BNC2: variants seen among roughly 807,000 people sequenced by gnomAD.
The protein encoded by BNC2 is zinc finger protein basonuclin-2.
In BNC2, 20 loss-of-function variants were observed where a neutral mutation model predicts 76.3. The observed-to-expected ratio is 0.26, with a 90% CI of 0.18 to 0.38. The LOEUF (loss-of-function observed/expected upper bound fraction) is 0.38, where lower values mean the gene tolerates loss of function less well. BNC2 is among the 10% of genes least tolerant of loss of function. The probability of loss-of-function intolerance (pLI) is 1.00; values close to 1 mark genes in which losing one functional copy is unlikely to be tolerated. For missense variants in BNC2, 1,382 were observed against 1,399.8 expected (o/e 0.99, Z 0.20); for synonymous variants, 582 against 514.8 (o/e 1.13, Z -1.77).
chr9:16,662,746 A>G (rs1822146095), intron 3 of BNC2, among the ~76,000 whole-genome samples: 3 of 152,342 alleles, frequency 2.0e-5, no homozygotes, highest in Admixed American at 6.5e-5. Flanking sequence ...AAAATAAAAT[A>G]AAACAAGAGA....
At chr9:16,615,860 G>A (rs968711188) in intron 3 of BNC2, among the ~76,000 whole-genome samples, 1 of 152,016 alleles carries the variant, frequency 6.6e-6, no homozygotes. Context: ...CATGACAATT[G>A]AGCATGATTG....
At chr9:16,610,985 T>A (rs1820530018) in intron 3 of BNC2, among the ~76,000 whole-genome samples, 2 of 152,180 alleles carry the variant, frequency 1.3e-5, no homozygotes, top group African/African-American at 4.8e-5. Flanking sequence ...GAAAGCTTGC[T>A]TGGTTTTAGC....
chr9:16,844,960 T>C (rs891456447), intron 1 of BNC2, among the ~76,000 whole-genome samples: 4 of 152,122 alleles, frequency 2.6e-5, no homozygotes, highest in African/African-American at 9.7e-5. Flanking sequence ...AGTTGAGTCA[T>C]TTGTGACAAA....
At chr9:16,456,530 C>CA (rs35557788) in intron 5 of BNC2, among the ~76,000 whole-genome samples, 2,043 of 107,108 alleles carry the variant, frequency 0.019, 20 homozygotes, top group African/African-American at 0.036. Context: ...GACTCCGTCT[C>CA]AAAAAAAAAA....
At chr9:16,448,716 T>C (rs1027639266) in intron 5 of BNC2, among the ~76,000 whole-genome samples, 3 of 152,152 alleles carry the variant, frequency 2.0e-5, no homozygotes, top group African/African-American at 4.8e-5. Context: ...TTAGGAGATT[T>C]AACTTTGTTC....
chr9:16,747,675 G>T (rs1264350559), intron 1 of BNC2, among the ~76,000 whole-genome samples: 1 of 152,142 alleles, frequency 6.6e-6, no homozygotes, highest in Non-Finnish European at 1.5e-5. Context: ...TGCCTCTCCA[G>T]GTTTCTACCA....
chr9:16,791,037 G>C (rs1305670611), intron 1 of BNC2, among the ~76,000 whole-genome samples: 1 of 151,980 alleles, frequency 6.6e-6, no homozygotes, highest in Non-Finnish European at 1.5e-5. Flanking sequence ...GGAAGTGCTA[G>C]TGTATGGGAT....
chr9:16,858,255 T>G (rs1420693356), intron 1 of BNC2, among the ~76,000 whole-genome samples: 1 of 152,224 alleles, frequency 6.6e-6, no homozygotes, highest in African/African-American at 2.4e-5. Context: ...CTTCAGGGCA[T>G]GAAGTGTGTC....
chr9:16,792,021 T>C (rs1817524453), intron 1 of BNC2, among the ~76,000 whole-genome samples: 1 of 150,098 alleles, frequency 6.7e-6, no homozygotes, highest in Non-Finnish European at 1.5e-5. Flanking sequence ...GGGATCCCTT[T>C]AGCCCAGGAG....
intron 3 of BNC2, among the ~76,000 whole-genome samples, chr9:16,672,857 C>T (rs1362780208): frequency 6.6e-6 from 1 of 152,184 alleles, no homozygotes; most frequent in Non-Finnish European, 1.5e-5. Flanking sequence ...AAATCTACAT[C>T]TTTAACTTTC....
intron 1 of BNC2, among the ~76,000 whole-genome samples, chr9:16,864,161 G>C (rs797016296): frequency 4.6e-5 from 7 of 152,082 alleles, no homozygotes; most frequent in African/African-American, 1.7e-4. Flanking sequence ...TATTTCTAAA[G>C]AACCAGGCTA....
At chr9:16,778,184 A>G (rs1056433007) in intron 1 of BNC2, among the ~76,000 whole-genome samples, 18 of 151,994 alleles carry the variant, frequency 1.2e-4, no homozygotes, top group Non-Finnish European at 2.4e-4. Context: ...GTAAAGATAC[A>G]TACACACAAA....
intron 1 of BNC2, among the ~76,000 whole-genome samples, chr9:16,854,835 A>C (rs1819213823): frequency 6.6e-6 from 1 of 151,922 alleles, no homozygotes; most frequent in Non-Finnish European, 1.5e-5. Flanking sequence ...CAAGAGGGGT[A>C]AACACTGTCA....
At chr9:16,439,787 T>C (rs1247286739) in intron 5 of BNC2, among the ~76,000 whole-genome samples, 2 of 152,228 alleles carry the variant, frequency 1.3e-5, no homozygotes, top group Non-Finnish European at 2.9e-5. Flanking sequence ...ATCCTACCAT[T>C]TTACATAAAG....
chr9:16,822,694 T>G (rs1586912230), intron 1 of BNC2, among the ~76,000 whole-genome samples: 1 of 152,196 alleles, frequency 6.6e-6, no homozygotes, highest in Non-Finnish European at 1.5e-5. Context: ...TCACATCAGA[T>G]TTTTTTAAAA....
intron 1 of BNC2, among the ~76,000 whole-genome samples, chr9:16,777,988 C>T (rs1235814114): frequency 6.6e-6 from 1 of 152,130 alleles, no homozygotes; most frequent in Non-Finnish European, 1.5e-5. Context: ...ACTTCTACTT[C>T]CAAAGCCACA....
intron 5 of BNC2, among the ~76,000 whole-genome samples, chr9:16,468,847 G>A (rs1821753657): frequency 6.6e-6 from 1 of 152,236 alleles, no homozygotes; most frequent in African/African-American, 2.4e-5. Flanking sequence ...TGACACTGAG[G>A]TGCATACTCA....
chr9:16,792,721 C>G (rs1256230416), intron 1 of BNC2, among the ~76,000 whole-genome samples: 2 of 152,084 alleles, frequency 1.3e-5, no homozygotes, highest in Non-Finnish European at 2.9e-5. Context: ...TTATCATAAG[C>G]GTATAAAAAA....
intron 5 of BNC2, among the ~76,000 whole-genome samples, chr9:16,535,341 C>A (rs1818098646): frequency 6.6e-6 from 1 of 152,150 alleles, no homozygotes; most frequent in African/African-American, 2.4e-5. Context: ...TACTTCTGGA[C>A]AGAGGAATAG....
Sources: gnomAD v4.1 joint callset for allele counts (sites outside exome capture counted in the v4.1 genomes callset) on GRCh38, gnomAD v4.1.1 for gene constraint, MANE v1.5 for transcripts, NCBI Gene and HGNC (gene_info 2026-07-23, HGNC 2026-07-21) for gene names.